The following SAMD4B variants were observed in gnomAD, a reference collection of about 807,000 sequenced individuals.
SAMD4B encodes the protein sterile alpha motif domain containing 4B, also known as protein Smaug homolog 2.
Under a neutral mutation model 74.5 loss-of-function variants are expected in SAMD4B, and 5 were observed. That is an observed-to-expected ratio of 0.07 (90% CI 0.04 to 0.14). SAMD4B has a LOEUF of 0.14. SAMD4B is among the 10% of genes least tolerant of loss of function. SAMD4B has a pLI of 1.00. For synonymous variants in SAMD4B, 373 were observed against 374.9 expected (o/e 1.00, Z 0.06); for missense variants, 608 against 921.8 (o/e 0.66, Z 4.41).
At chr19:39,386,340 C>T, downstream of SAMD4B, 1 of 1,614,148 alleles carries the variant, frequency 6.2e-7, no homozygotes, top group Non-Finnish European at 8.5e-7. The surrounding 1 kb of genome is among the most constrained non-coding windows in gnomAD (Gnocchi z 6.1). Context: ...TTCACTCTCG[C>T]TGCCCGAGTG....
At chr19:39,368,701 A>G (rs2077118845) in intron 3 of SAMD4B, among the ~76,000 whole-genome samples, 1 of 152,234 alleles carries the variant, frequency 6.6e-6, no homozygotes, top group South Asian at 2.1e-4. Flanking sequence ...AGAAGCAGAG[A>G]GACCAGTTAA....
At chr19:39,380,879 G>A in intron 11 of SAMD4B, 94 bp downstream of exon 11, 1 of 1,515,722 alleles carries the variant, frequency 6.6e-7, no homozygotes, top group Non-Finnish European at 8.8e-7. Flanking sequence ...TCTGGACCCA[G>A]CTTAGAGGTG....
intron 4 of SAMD4B, among the ~76,000 whole-genome samples, chr19:39,371,970 A>G (rs1170559696): frequency 1.3e-5 from 2 of 152,286 alleles, no homozygotes; most frequent in East Asian, 3.9e-4. Context: ...TCCACCAAAA[A>G]GTACCTCTCC....
At chr19:39,363,117 G>C (rs1302112641) in intron 3 of SAMD4B, among the ~76,000 whole-genome samples, 1 of 152,168 alleles carries the variant, frequency 6.6e-6, no homozygotes, top group Non-Finnish European at 1.5e-5. Context: ...TTTGCTCTTA[G>C]AGCAGTCTCG....
In SAMD4B at chr19:39,378,172, T is replaced by G. The variant is rs1332806213; in HGVS notation, c.1445-332T>G. 6.6e-6 allele frequency among the ~76,000 whole-genome samples: 1 copy of G among 152,138 alleles called. No homozygotes were observed. The highest frequency in any genetic ancestry group is 1.5e-5 in the Non-Finnish European group (1 of 68,038). On this transcript the variant is annotated intron_variant, in intron 8 of 13. Transcript: ENST00000610417. This position sits in a 1 kb window ranked among gnomAD's most constrained non-coding sequence, Gnocchi z 4.4. ...TCCAGGGGATGGGGATGGTGAAATT[T>G]ATCACAGCTTCAGCCTTTCCTAAAG...
chr19:39,386,682 G>A, downstream of SAMD4B: 2 of 1,608,150 alleles, frequency 1.2e-6, no homozygotes, highest in Non-Finnish European at 8.5e-7. This position sits in a 1 kb window ranked among gnomAD's most constrained non-coding sequence, Gnocchi z 6.1. Context: ...CTGAGCCAGT[G>A]GTGCTTGTTA....
downstream of SAMD4B, chr19:39,389,969 G>T: frequency 9.2e-7 from 1 of 1,084,318 alleles, no homozygotes; most frequent in Non-Finnish European, 1.4e-6. This position sits in a 1 kb window ranked among gnomAD's most constrained non-coding sequence, Gnocchi z 5.3. Flanking sequence ...GCTAGGGTAG[G>T]TACTGTGCTA....
intron 1 of SAMD4B, among the ~76,000 whole-genome samples, chr19:39,347,487 C>G (rs549052299): frequency 6.6e-6 from 1 of 152,178 alleles, no homozygotes; most frequent in African/African-American, 2.4e-5. Context: ...GTCCCCCAGC[C>G]GCAGTCATTC....
chr19:39,342,528 G>C lies in SAMD4B; in HGVS notation c.-315G>C, dbSNP rs1216710795. The C allele has an allele frequency of 5.9e-6, 1 of 168,682 alleles. No homozygotes were observed. Among genetic ancestry groups the C allele is most frequent in the Non-Finnish European group, 1.2e-5 (1 of 81,162 alleles). The allele number at this position is 168,682 out of a possible 1,614,324, so 10.4% of individuals were successfully genotyped here. ...CCGAGAGGGGGCGACGGCGGCGGCG[G>C]TGGCCTGAGGAGGCCCGAGCGGCGG... On this transcript the variant is annotated 5_prime_UTR_variant, in exon 1 of 14. Coordinates refer to ENST00000610417, the MANE Select transcript of SAMD4B (RefSeq NM_001384574.2).
At chr19:39,343,469 C>T (rs536743215) in intron 1 of SAMD4B, among the ~76,000 whole-genome samples, 3 of 150,872 alleles carry the variant, frequency 2.0e-5, no homozygotes, top group South Asian at 4.2e-4. Flanking sequence ...GACTCCATCC[C>T]CCTCCCCACC....
At position 39,375,298 on chromosome 19, in the gene SAMD4B, A is replaced by G. The variant is rs976895870; in HGVS notation, c.668-352A>G. Reference sequence around the variant, plus strand: ...AGGAGTCAGGCTCGGTCAGATTTGCATTTTTAGAAGGACCTTTATGGCTGT... The same window carrying G: ...AGGAGTCAGGCTCGGTCAGATTTGCGTTTTTAGAAGGACCTTTATGGCTGT... On this transcript the variant is annotated intron_variant, in intron 4 of 13. Coordinates refer to ENST00000610417, the MANE Select transcript of SAMD4B (RefSeq NM_001384574.2). This position sits in a 1 kb window ranked among gnomAD's most constrained non-coding sequence, Gnocchi z 4.1. Among the ~76,000 whole-genome samples, 2 of 152,176 alleles carry G rather than the reference A, an allele frequency of 1.3e-5. No homozygotes were observed. Among genetic ancestry groups the G allele is most frequent in the African/African-American group, 4.8e-5 (2 of 41,436 alleles).
chr19:39,362,192 C>A (rs767686857), intron 3 of SAMD4B, among the ~76,000 whole-genome samples: 4 of 152,138 alleles, frequency 2.6e-5, no homozygotes, highest in Non-Finnish European at 5.9e-5. Flanking sequence ...TGTTAGAATC[C>A]CCCAGGGCCT....
At chr19:39,370,267 G>A (rs1448715666) in intron 4 of SAMD4B, 142 bp downstream of exon 4, 2 of 792,446 alleles carry the variant, frequency 2.5e-6, no homozygotes, top group Non-Finnish European at 4.1e-6. Context: ...CAGAGGCTGT[G>A]AACTGGCTTT....
rs755814683 is a variant in SAMD4B at position 39,369,932 on chromosome 19, C to G, written c.474C>G (p.Phe158Leu). 1.9e-6 allele frequency: 3 copies of G among 1,613,712 alleles called. No individual in the cohort carries two copies. The highest frequency in any genetic ancestry group is 2.5e-6 in the Non-Finnish European group (3 of 1,179,950). The change falls in exon 4 of 14, where the codon TTC (phenylalanine) becomes TTG (leucine). Residue 158 changes from phenylalanine to leucine, a missense_variant. Coordinates refer to ENST00000610417, the MANE Select transcript of SAMD4B (RefSeq NM_001384574.2). ...TGGAAGAGCGGTTGGCTAGTGGCTTCCGCTCCCGGCCAGAGCCCTCCTACC... is the reference window on the plus strand; with the variant it reads ...TGGAAGAGCGGTTGGCTAGTGGCTTGCGCTCCCGGCCAGAGCCCTCCTACC... ...SHLEERLASG[F>L]RSRPEPSYHS... is the part of the protein sequence containing the mutation.
chr19:39,372,972 G>T (rs1456656443), intron 4 of SAMD4B, among the ~76,000 whole-genome samples: 3 of 152,176 alleles, frequency 2.0e-5, no homozygotes, highest in African/African-American at 7.2e-5. Context: ...CTGGTATTAA[G>T]GGTGGGCCAC....
chr19:39,385,733 A>G, downstream of SAMD4B: 1 of 555,604 alleles, frequency 1.8e-6, no homozygotes, highest in Non-Finnish European at 3.1e-6. Flanking sequence ...TTTTGTGGGA[A>G]ACCATTGGCC....
At position 39,379,601 on chromosome 19, in the gene SAMD4B, C is replaced by T. The variant is rs558695065; in HGVS notation, c.1531-365C>T. Among the ~76,000 whole-genome samples the T allele has an allele frequency of 6.6e-5, 10 of 152,250 alleles. No homozygotes were observed. In the South Asian group the frequency reaches 8.3e-4, roughly 13 times the overall value. ...AATCTTTTTTTTGGAAACAGAGTCT[C>T]GCTCTGTTGCCCAGGCTGGAGTGCA... On this transcript the variant is annotated intron_variant, in intron 9 of 13. Coordinates refer to ENST00000610417, the MANE Select transcript of SAMD4B (RefSeq NM_001384574.2).
intron 8 of SAMD4B, 66 bp downstream of exon 8, chr19:39,377,890 G>T: frequency 6.9e-7 from 1 of 1,458,988 alleles, no homozygotes. Flanking sequence ...AAGCACCAGG[G>T]ATCAAATCCA....
chr19:39,374,165 G>GGA (rs1209944721), intron 4 of SAMD4B, among the ~76,000 whole-genome samples: 1 of 152,110 alleles, frequency 6.6e-6, no homozygotes, highest in Non-Finnish European at 1.5e-5. Context: ...CAGCTACTCG[G>GGA]GAGGCTGAGG....
Sources: gnomAD v4.1 joint callset for allele counts (sites outside exome capture counted in the v4.1 genomes callset) on GRCh38, gnomAD v4.1.1 for gene constraint, Gnocchi (gnomAD v3.1) non-coding constraint, MANE v1.5 for transcripts, NCBI Gene and HGNC (gene_info 2026-07-23, HGNC 2026-07-21) for gene names.